Variants in FANCC observed in about 807,000 individuals in gnomAD.
FANCC encodes the protein FA complementation group C, also known as Fanconi anemia group C protein.
Under a neutral mutation model 71.3 loss-of-function variants are expected in FANCC, and 55 were observed. That is an observed-to-expected ratio of 0.77 (90% CI 0.62 to 0.97). The LOEUF is 0.97. Among genes scored for constraint, FANCC ranks in the 50% least tolerant of loss-of-function variants. The probability of loss-of-function intolerance (pLI) is 0.00; values close to 1 mark genes in which losing one functional copy is unlikely to be tolerated. For synonymous variants in FANCC, 275 were observed against 244.9 expected (o/e 1.12, Z -1.15); for missense variants, 678 against 670.9 (o/e 1.01, Z -0.12).
In FANCC at chr9:95,100,566, G is replaced by A. The variant is rs565920274; in HGVS notation, c.*1141C>T. The A allele has an allele frequency of 4.3e-5, 10 of 231,338 alleles. No homozygotes were observed. In the East Asian group the frequency reaches 6.1e-4, roughly 14 times the overall value. 14.3% of individuals were successfully genotyped at this position (231,338 alleles called of 1,614,324 possible). A position where few individuals can be genotyped will look rare whatever the true frequency, so the allele number is the denominator to read the frequency against. On this transcript the variant is annotated 3_prime_UTR_variant, in exon 15 of 15. Coordinates refer to ENST00000289081, the MANE Select transcript of FANCC (RefSeq NM_000136.3). ...AGAATGTACAACCAATACAATTCCA[G>A]AATGTCCCTGAAAGGAAAAAGCACC... is the stretch of plus-strand genomic sequence containing the variant.
intron 14 of FANCC, among the ~76,000 whole-genome samples, chr9:95,102,193 G>A (rs146290009): frequency 6.6e-6 from 1 of 152,354 alleles, no homozygotes; most frequent in East Asian, 1.9e-4. Context: ...ATGATCCACT[G>A]TGGGGAACAA....
chr9:95,226,559 C>T lies in FANCC; in HGVS notation c.345+14090G>A, dbSNP rs553724443. Among the ~76,000 whole-genome samples the T allele has an allele frequency of 2.6e-4, 40 of 152,304 alleles. No homozygotes were observed. In the South Asian group the frequency reaches 7.9e-3, roughly 30 times the overall value. ...CTGCTGGGATGCGCTGTCTCCTGCT[C>T]CTCCCTTTCGCACATTCTAGTGACT... On this transcript the variant is annotated intron_variant, in intron 4 of 14. Transcript: ENST00000289081.
intron 10 of FANCC, among the ~76,000 whole-genome samples, chr9:95,117,819 G>A (rs931686948): frequency 4.6e-5 from 7 of 151,936 alleles, no homozygotes; most frequent in South Asian, 2.1e-4. Context: ...TGGCTCCCGG[G>A]TTCAAGCGAT....
rs977648761 is a variant in FANCC at position 95,292,823 on chromosome 9, G to A, written c.-79+24703C>T. On this transcript the variant is annotated intron_variant, in intron 1 of 14. Transcript: ENST00000289081. Reference sequence around the variant, plus strand: ...ACTTTATGAAAATCCATGCTGAGAAGAAGCACAAATGTAGCAAGTGCAGCA... The same window carrying A: ...ACTTTATGAAAATCCATGCTGAGAAAAAGCACAAATGTAGCAAGTGCAGCA... 3.2e-6 allele frequency: 5 copies of A among 1,581,616 alleles called. No individual in the cohort carries two copies. The African/African-American group carries it at 6.7e-5, about 21-fold the overall frequency.
At chr9:95,198,367 G>A (rs969733672) in intron 4 of FANCC, among the ~76,000 whole-genome samples, 3 of 152,254 alleles carry the variant, frequency 2.0e-5, no homozygotes, top group Middle Eastern at 3.4e-3. Context: ...ATTTTCAGAC[G>A]TTCCACTGTA....
At chr9:95,311,876 T>C (rs1199895180) in intron 1 of FANCC, among the ~76,000 whole-genome samples, 3 of 152,150 alleles carry the variant, frequency 2.0e-5, no homozygotes, top group African/African-American at 7.2e-5. Context: ...AAAGCATCAT[T>C]GGGGCTCTAG....
chr9:95,276,390 A>C (rs1016870802), intron 1 of FANCC, among the ~76,000 whole-genome samples: 1 of 152,150 alleles, frequency 6.6e-6, no homozygotes, highest in Non-Finnish European at 1.5e-5. Flanking sequence ...CTTTCCTCTA[A>C]ATAACAGATA....
intron 1 of FANCC, among the ~76,000 whole-genome samples, chr9:95,267,668 A>G (rs1434570944): frequency 1.3e-5 from 2 of 152,214 alleles, no homozygotes; most frequent in African/African-American, 4.8e-5. Context: ...AAATCCTAAC[A>G]AAGTATACTT....
At chr9:95,243,733 G>T (rs1232978444) in intron 3 of FANCC, among the ~76,000 whole-genome samples, 1 of 152,194 alleles carries the variant, frequency 6.6e-6, no homozygotes, top group Non-Finnish European at 1.5e-5. Context: ...AGCAGAGCTT[G>T]CAGTGAGCCG....
intron 6 of FANCC, among the ~76,000 whole-genome samples, chr9:95,163,701 C>T (rs1398272573): frequency 6.6e-6 from 1 of 152,028 alleles, no homozygotes; most frequent in Non-Finnish European, 1.5e-5. Flanking sequence ...AATACAAAAT[C>T]ATCTGGGCAT....
intron 7 of FANCC, among the ~76,000 whole-genome samples, chr9:95,136,791 C>G (rs902879787): frequency 6.6e-6 from 1 of 152,200 alleles, no homozygotes; most frequent in Admixed American, 6.5e-5. Context: ...CCAGACACAA[C>G]CATTTTGTGT....
At chr9:95,259,931 A>C (rs1831917122) in intron 1 of FANCC, among the ~76,000 whole-genome samples, 1 of 152,242 alleles carries the variant, frequency 6.6e-6, no homozygotes, top group Admixed American at 6.5e-5. Context: ...CAACAAACAT[A>C]TGAAAACAAG....
At chr9:95,124,300 G>C (rs1330153380) in intron 10 of FANCC, among the ~76,000 whole-genome samples, 1 of 152,084 alleles carries the variant, frequency 6.6e-6, no homozygotes, top group Non-Finnish European at 1.5e-5. Context: ...ACTCTCGACA[G>C]GCAATGTGTC....
chr9:95,133,413 T>G (rs750074329), intron 8 of FANCC, among the ~76,000 whole-genome samples: 2 of 152,266 alleles, frequency 1.3e-5, no homozygotes, highest in Non-Finnish European at 2.9e-5. Flanking sequence ...TCTGCACACA[T>G]GATCCCGATA....
intron 2 of FANCC, 119 bp from the exon 3 acceptor site, chr9:95,247,635 T>A: frequency 1.4e-6 from 1 of 730,048 alleles, no homozygotes; most frequent in South Asian, 1.5e-5. Context: ...TTTTTAAAAG[T>A]AAGCACAAAA....
At chr9:95,172,473 T>C (rs1009796408) in intron 4 of FANCC, among the ~76,000 whole-genome samples, 3 of 152,210 alleles carry the variant, frequency 2.0e-5, no homozygotes, top group Admixed American at 2.0e-4. Context: ...GAGATGATAA[T>C]TTTTCTTTGC....
At chr9:95,249,600 C>T (rs1378831730) in intron 1 of FANCC, among the ~76,000 whole-genome samples, 1 of 152,186 alleles carries the variant, frequency 6.6e-6, no homozygotes, top group Non-Finnish European at 1.5e-5. Flanking sequence ...TATACCTCCA[C>T]AGGCACACGC....
intron 6 of FANCC, among the ~76,000 whole-genome samples, chr9:95,153,055 G>C (rs1156659532): frequency 6.6e-6 from 1 of 152,186 alleles, no homozygotes; most frequent in Non-Finnish European, 1.5e-5. Context: ...CAAGCTTGTT[G>C]TATGTCTCTG....
At chr9:95,103,793 C>T (rs564242883) in intron 14 of FANCC, among the ~76,000 whole-genome samples, 1 of 152,198 alleles carries the variant, frequency 6.6e-6, no homozygotes, top group African/African-American at 2.4e-5. Flanking sequence ...GCAGAGGCCA[C>T]ACAGGAGGCA....
Sources: allele counts gnomAD v4.1 joint callset (sites outside exome capture counted in the v4.1 genomes callset), GRCh38; gene constraint gnomAD v4.1.1; transcripts MANE v1.5; gene names NCBI Gene and HGNC (gene_info 2026-07-23, HGNC 2026-07-21).